The following DIP2B variants were observed in gnomAD, a reference collection of about 807,000 sequenced individuals.
DIP2B encodes DIP2 acetate--CoA ligase B (putative).
DIP2B carries 76 observed loss-of-function variants against 198.0 expected under a neutral mutation model. The observed-to-expected ratio is 0.38, with a 90% confidence interval of 0.32 to 0.46. DIP2B has a LOEUF of 0.46. Among genes scored for constraint, DIP2B ranks in the 20% least tolerant of loss-of-function variants. The pLI is 0.99. For synonymous variants in DIP2B, 701 were observed against 739.1 expected (o/e 0.95, Z 0.84); for missense variants, 1,559 against 1,978.4 (o/e 0.79, Z 4.02).
In DIP2B at chr12:50,576,063, A is replaced by T. The variant is rs188796602; in HGVS notation, c.101-49913A>T. ...GTGAGCCACCGTGCCTGGCCCTGAT[A>T]TTTTTTTTCACTTTTTTTTTTTTGA... On this transcript the variant is annotated intron_variant, in intron 1 of 37. Coordinates refer to ENST00000301180, the MANE Select transcript of DIP2B (RefSeq NM_173602.3). Among the ~76,000 whole-genome samples, 815 of 137,970 alleles carry T rather than the reference A, an allele frequency of 5.9e-3. 4 individuals are homozygous for T. The highest frequency in any genetic ancestry group is 7.7e-3 in the Non-Finnish European group (498 of 64,332). The allele number at this position is 137,970 out of a possible 152,430, so 90.5% of individuals were successfully genotyped here. A position where few individuals can be genotyped will look rare whatever the true frequency, so the allele number is the denominator to read the frequency against.
intron 1 of DIP2B, among the ~76,000 whole-genome samples, chr12:50,511,980 A>G (rs1248872638): frequency 1.3e-5 from 2 of 150,166 alleles, no homozygotes; most frequent in Non-Finnish European, 3.0e-5. Flanking sequence ...AAGTAGAGAC[A>G]AGGTCTTACT....
At chr12:50,577,928 T>G (rs1415266620) in intron 1 of DIP2B, among the ~76,000 whole-genome samples, 3 of 152,230 alleles carry the variant, frequency 2.0e-5, no homozygotes, top group Non-Finnish European at 4.4e-5. Context: ...AAATAATAAC[T>G]TCTTAAAGGT....
intron 1 of DIP2B, among the ~76,000 whole-genome samples, chr12:50,520,600 T>C (rs1958108572): frequency 6.6e-6 from 1 of 152,216 alleles, no homozygotes; most frequent in Non-Finnish European, 1.5e-5. Context: ...TACTAGAAAA[T>C]GAACATCCTG....
At chr12:50,629,882 C>A (rs1168289607) in intron 2 of DIP2B, among the ~76,000 whole-genome samples, 1 of 151,952 alleles carries the variant, frequency 6.6e-6, no homozygotes, top group Non-Finnish European at 1.5e-5. Flanking sequence ...TGTCTTCCTT[C>A]CCTTCTTTTG....
In DIP2B at chr12:50,699,073, G is replaced by A. The variant is rs1185394313; in HGVS notation, c.2196G>A (p.Met732Ile). The change falls in exon 19 of 38, where the codon ATG becomes ATA. Residue 732 changes from methionine to isoleucine, a missense_variant. By Grantham distance (10) the Met-to-Ile change is conservative (BLOSUM62 1). Transcript: ENST00000301180. Reference protein sequence around the residue: ...DVGHVMPGGMMCIVKPDGPPQ... With the variant: ...DVGHVMPGGMICIVKPDGPPQ... ...GTATTTTCTGTACGTTAGGGATGAT[G>A]TGCATTGTGAAACCAGATGGACCTC... 2.5e-6 allele frequency: 4 copies of A among 1,614,146 alleles called. No homozygotes were observed. Among genetic ancestry groups the A allele is most frequent in the Non-Finnish European group, 2.5e-6 (3 of 1,180,014 alleles).
intron 12 of DIP2B, among the ~76,000 whole-genome samples, chr12:50,690,119 C>G (rs1340389518): frequency 1.3e-5 from 2 of 150,500 alleles, no homozygotes; most frequent in Non-Finnish European, 3.0e-5. Flanking sequence ...CGGAGTCTCG[C>G]TCTGTTGCCC....
chr12:50,542,355 A>T (rs546043718), intron 1 of DIP2B, among the ~76,000 whole-genome samples: 5 of 152,146 alleles, frequency 3.3e-5, no homozygotes, highest in East Asian at 1.9e-4. Flanking sequence ...GTATTCAAAA[A>T]TTTTTTTCAT....
At chr12:50,741,329 C>T (rs1940238409) in intron 36 of DIP2B, 87 bp from the exon 37 acceptor site, 17 of 1,489,778 alleles carry the variant, frequency 1.1e-5, no homozygotes, top group Non-Finnish European at 1.5e-5. Context: ...AGGTGACAGG[C>T]AGTCTGACCC....
chr12:50,591,517 A>G (rs1485036247), intron 1 of DIP2B, among the ~76,000 whole-genome samples: 2 of 151,594 alleles, frequency 1.3e-5, no homozygotes. Flanking sequence ...AGCTCACTGT[A>G]TCCTTTGCCT....
Position 50,691,169 on chromosome 12 carries a change from G to C in DIP2B, c.1654+18G>C. ...TTCTGAAGGTCAGACCTCATCCCAT[G>C]ACTGCCCTCATTGTTACCTTCAGAG... On this transcript the variant is annotated intron_variant, in intron 13 of 37. Transcript: ENST00000301180. 6.2e-7 allele frequency: 1 copy of C among 1,607,714 alleles called. No individual in the cohort carries two copies. Among genetic ancestry groups the C allele is most frequent in the Non-Finnish European group, 8.5e-7 (1 of 1,174,574 alleles).
chr12:50,567,502 A>T (rs1297988149), intron 1 of DIP2B, among the ~76,000 whole-genome samples: 2 of 151,948 alleles, frequency 1.3e-5, no homozygotes, highest in East Asian at 3.9e-4. Context: ...TACCTCATGG[A>T]GCATGGCTAT....
At chr12:50,629,697 G>T (rs537372384) in intron 2 of DIP2B, among the ~76,000 whole-genome samples, 8 of 152,090 alleles carry the variant, frequency 5.3e-5, no homozygotes, top group Admixed American at 4.6e-4. Context: ...TTAAATTTAT[G>T]ACTTCTGCAC....
chr12:50,631,133 T>C (rs915558181), intron 2 of DIP2B, among the ~76,000 whole-genome samples: 13 of 152,140 alleles, frequency 8.5e-5, no homozygotes, highest in African/African-American at 3.1e-4. Flanking sequence ...CCTCCTTCTT[T>C]TCTTTTTTTG....
At chr12:50,686,496 T>C (rs1421755696) in intron 11 of DIP2B, 77 bp from the exon 12 acceptor site, 5 of 1,280,444 alleles carry the variant, frequency 3.9e-6, no homozygotes, top group Admixed American at 2.2e-5. Context: ...TCTCTTGATA[T>C]TTAAAATGAC....
At chr12:50,679,030 T>C in intron 8 of DIP2B, 154 bp downstream of exon 8, 1 of 847,288 alleles carries the variant, frequency 1.2e-6, no homozygotes, top group Non-Finnish European at 1.8e-6. Context: ...AGTAAAGCTA[T>C]TGCCAAATAT....
intron 3 of DIP2B, among the ~76,000 whole-genome samples, chr12:50,652,984 C>G (rs1049775203): frequency 1.3e-4 from 19 of 151,424 alleles, no homozygotes; most frequent in African/African-American, 4.4e-4. Context: ...CCCTCTGTTG[C>G]CTAGGCTGGA....
chr12:50,511,291 A>ATTTTTTTTTTTT (rs71083581), intron 1 of DIP2B, among the ~76,000 whole-genome samples: 2,882 of 64,640 alleles, frequency 0.045, 823 homozygotes, highest in South Asian at 0.052. Context: ...TGTGATTTCT[A>ATTTTTTTTTTTT]TTTTTTTTTT....
At chr12:50,678,309 A>G (rs985032469) in intron 7 of DIP2B, among the ~76,000 whole-genome samples, 3 of 152,086 alleles carry the variant, frequency 2.0e-5, no homozygotes, top group Non-Finnish European at 4.4e-5. Context: ...CTCATTAAAC[A>G]TAATCTGCTG....
At chr12:50,562,722 G>C (rs1408454339) in intron 1 of DIP2B, among the ~76,000 whole-genome samples, 2 of 150,740 alleles carry the variant, frequency 1.3e-5, no homozygotes, top group African/African-American at 4.9e-5. Context: ...GGGTGACAGA[G>C]TGACCCTGAC....
Sources: gnomAD v4.1 joint callset for allele counts (sites outside exome capture counted in the v4.1 genomes callset) on GRCh38, gnomAD v4.1.1 for gene constraint, MANE v1.5 for transcripts, NCBI Gene and HGNC (gene_info 2026-07-23, HGNC 2026-07-21) for gene names.